TNRC6A: variants seen among roughly 807,000 people sequenced by gnomAD.
TNRC6A encodes the protein trinucleotide repeat-containing gene 6A protein.
In TNRC6A, 44 loss-of-function variants were observed where a neutral mutation model predicts 221.2. The observed-to-expected ratio is 0.20, with a 90% CI of 0.16 to 0.26. TNRC6A has a LOEUF of 0.26. TNRC6A is among the 10% of genes least tolerant of loss of function. TNRC6A has a pLI of 1.00. For missense variants in TNRC6A, 2,199 were observed against 2,404.4 expected (o/e 0.91, Z 1.79); for synonymous variants, 847 against 838.5 (o/e 1.01, Z -0.18).
upstream of TNRC6A, among the ~76,000 whole-genome samples, chr16:24,727,925 A>AT (rs963642486): frequency 1.0e-3 from 152 of 150,558 alleles, no homozygotes; most frequent in African/African-American, 1.7e-3. Flanking sequence ...TGTAAACCTG[A>AT]TTTTTTTTTT....
intron 2 of TNRC6A, among the ~76,000 whole-genome samples, chr16:24,679,462 C>T (rs1010361610): frequency 6.6e-6 from 1 of 151,834 alleles, no homozygotes; most frequent in Admixed American, 6.6e-5. Context: ...TACCACCATA[C>T]CTGACTAATT....
chr16:24,631,391 C>A (rs552736379), intron 1 of TNRC6A, among the ~76,000 whole-genome samples: 44 of 152,266 alleles, frequency 2.9e-4, no homozygotes, highest in African/African-American at 1.0e-3. Context: ...CTCTCGAGTT[C>A]CAGGACACCC....
intron 3 of TNRC6A, among the ~76,000 whole-genome samples, chr16:24,751,530 C>T (rs1030580743): frequency 1.3e-5 from 2 of 152,028 alleles, no homozygotes; most frequent in African/African-American, 4.8e-5. Context: ...ACATACCAAA[C>T]AATTGTATTA....
At position 24,791,557 on chromosome 16, in the gene TNRC6A, G is replaced by C. The variant is rs568020704; in HGVS notation, c.2915G>C (p.Gly972Ala). 2 of 1,551,268 alleles carry C rather than the reference G, an allele frequency of 1.3e-6. No individual in the cohort carries two copies. Among genetic ancestry groups the C allele is most frequent in the East Asian group, 4.5e-5 (2 of 44,418 alleles). The change falls in exon 6 of 25, where the codon GGG (glycine) becomes GCG (alanine). Residue 972 changes from glycine to alanine, a missense_variant. Around this residue, in one of 8 missense-constraint regions of TNRC6A, gnomAD observed 1,405 missense variants for 1,400.2 expected, o/e 1.00. Coordinates refer to ENST00000395799, the MANE Select transcript of TNRC6A (RefSeq NM_014494.4). ...TGKPPGTGWLGGPIPAPAKEE... is the reference protein window; with the variant it reads ...TGKPPGTGWLAGPIPAPAKEE... ...AAACCTCCTGGTACAGGCTGGCTGGGGGGACCTATACCAGCCCCAGCAAAA... is the reference window on the plus strand; with the variant it reads ...AAACCTCCTGGTACAGGCTGGCTGGCGGGACCTATACCAGCCCCAGCAAAA...
intron 4 of TNRC6A, among the ~76,000 whole-genome samples, chr16:24,766,393 A>G (rs1228669144): frequency 6.6e-6 from 1 of 152,208 alleles, no homozygotes; most frequent in Non-Finnish European, 1.5e-5. Context: ...GTGGTTTTGC[A>G]ATATCCTAGC....
At position 24,758,379 on chromosome 16, in the gene TNRC6A, T is replaced by G; in HGVS notation, c.163+19T>G. ...ATCAAAGGTACGTTGTTTAAAGCTA[T>G]TTTTTATCCCTTTTTTCATTAAAGC... On this transcript the variant is annotated intron_variant, in intron 4 of 24. Coordinates refer to ENST00000395799, the MANE Select transcript of TNRC6A (RefSeq NM_014494.4). 1 of 1,609,128 alleles carries G rather than the reference T, an allele frequency of 6.2e-7. No individual in the cohort carries two copies.
intron 2 of TNRC6A, among the ~76,000 whole-genome samples, chr16:24,644,188 G>A (rs1335762713): frequency 3.6e-5 from 5 of 137,060 alleles, no homozygotes; most frequent in East Asian, 2.2e-4. Flanking sequence ...CCGGATTCAC[G>A]CCATTCTCCT....
intron 1 of TNRC6A, 93 bp from the exon 2 acceptor site, chr16:24,730,160 G>GC: frequency 8.7e-7 from 1 of 1,145,076 alleles, no homozygotes; most frequent in Admixed American, 3.0e-5. Flanking sequence ...CGGCCCCGGC[G>GC]CGAGCCTCTG....
chr16:24,824,383 T>C lies in TNRC6A; in HGVS notation c.*576T>C, dbSNP rs905612639. 1 of 152,552 alleles carries C rather than the reference T, an allele frequency of 6.6e-6. No homozygotes were observed. The highest frequency in any genetic ancestry group is 1.5e-5 in the Non-Finnish European group (1 of 68,032). 9.4% of individuals were successfully genotyped at this position (152,552 alleles called of 1,614,324 possible). A position where few individuals can be genotyped will look rare whatever the true frequency, so the allele number is the denominator to read the frequency against. ...TAGGATGCTGACTTAGGATTATTAA[T>C]GAAAGTGTTGCACCAGTTTTTTCAT... On this transcript the variant is annotated 3_prime_UTR_variant, in exon 25 of 25. Coordinates refer to ENST00000395799, the MANE Select transcript of TNRC6A (RefSeq NM_014494.4).
intron 2 of TNRC6A, among the ~76,000 whole-genome samples, chr16:24,733,665 G>GC (rs2056696166): frequency 6.6e-6 from 1 of 152,222 alleles, no homozygotes; most frequent in African/African-American, 2.4e-5. Context: ...GGTATTTGTA[G>GC]CAAACTGGTT....
Position 24,806,268 on chromosome 16 carries a change from G to A in TNRC6A, c.4314G>A (p.Pro1438=), listed in dbSNP as rs759776202. The A allele has an allele frequency of 9.2e-5, 148 of 1,613,974 alleles. No homozygotes were observed. Among genetic ancestry groups the A allele is most frequent in the Admixed American group, 2.5e-4 (15 of 59,998 alleles). The change falls in exon 16 of 25, where the codon CCG becomes CCA. Residue 1438 remains proline (P), a synonymous_variant. Coordinates refer to ENST00000395799, the MANE Select transcript of TNRC6A (RefSeq NM_014494.4). The part of the protein sequence containing the change: ...SQRSVPSGNR[P]QQDQQGRPLS... ...GAAGCGTGCCTTCTGGGAACCGGCC[G>A]CAGCAAGACCAGCAGGTAGAGCCCG...
Position 24,729,835 on chromosome 16 carries a change from T to C in TNRC6A, c.-7T>C, listed in dbSNP as rs2056578391. 20 of 1,383,902 alleles carry C rather than the reference T, an allele frequency of 1.4e-5. No individual in the cohort carries two copies. Among genetic ancestry groups the C allele is most frequent in the Non-Finnish European group, 1.8e-5 (19 of 1,058,982 alleles). The allele number at this position is 1,383,902 out of a possible 1,614,324, so 85.7% of individuals were successfully genotyped here. A position where few individuals can be genotyped will look rare whatever the true frequency, so the allele number is the denominator to read the frequency against. On this transcript the variant is annotated 5_prime_UTR_variant, in exon 1 of 25. Coordinates refer to ENST00000395799, the MANE Select transcript of TNRC6A (RefSeq NM_014494.4). ...CCGCGCCCCACTTGCTCGTGCACTT[T>C]ACACACATGAGGTGAGCGGAACAAG... is the stretch of plus-strand genomic sequence containing the variant.
intron 11 of TNRC6A, among the ~76,000 whole-genome samples, chr16:24,799,488 G>T (rs1248394193): frequency 6.6e-6 from 1 of 152,060 alleles, no homozygotes; most frequent in Admixed American, 6.5e-5. Context: ...CAGCCCCAAG[G>T]GTCATTGTAT....
intron 2 of TNRC6A, among the ~76,000 whole-genome samples, chr16:24,731,192 CTTTCTTTT>C (rs1479341567): frequency 2.6e-5 from 4 of 152,034 alleles, no homozygotes; most frequent in Non-Finnish European, 5.9e-5. Flanking sequence ...CCGTGAATAG[CTTTCTTTT>C]TTTCTTTTTT....
chr16:24,781,963 C>T (rs1396316605), intron 5 of TNRC6A, among the ~76,000 whole-genome samples: 2 of 152,222 alleles, frequency 1.3e-5, no homozygotes, highest in African/African-American at 4.8e-5. Context: ...GCTGGGACTA[C>T]AGGCGCCCGC....
chr16:24,735,741 T>C (rs897408131), intron 2 of TNRC6A, among the ~76,000 whole-genome samples: 2 of 152,250 alleles, frequency 1.3e-5, no homozygotes, highest in African/African-American at 4.8e-5. Flanking sequence ...TTTACAATTT[T>C]AATGACAACT....
intron 2 of TNRC6A, among the ~76,000 whole-genome samples, chr16:24,686,147 C>G (rs1231542334): frequency 6.6e-6 from 1 of 152,170 alleles, no homozygotes; most frequent in African/African-American, 2.4e-5. Context: ...AAGGGCCTCT[C>G]CGGTCTCCAT....
At chr16:24,706,823 T>G (rs2056102966) in intron 2 of TNRC6A, among the ~76,000 whole-genome samples, 1 of 151,298 alleles carries the variant, frequency 6.6e-6, no homozygotes, top group Non-Finnish European at 1.5e-5. Flanking sequence ...ATATTTGAAA[T>G]CAGAGAGAAA....
chr16:24,782,600 G>T (rs1038697487), intron 5 of TNRC6A, among the ~76,000 whole-genome samples: 3 of 152,108 alleles, frequency 2.0e-5, no homozygotes, highest in Admixed American at 1.3e-4. Context: ...ATTTGAGGCC[G>T]GGCGTGGTGG....
Sources: gnomAD v4.1 joint callset for allele counts (sites outside exome capture counted in the v4.1 genomes callset) on GRCh38, gnomAD v4.1.1 for gene constraint, gnomAD v4.1.1 regional missense constraint, MANE v1.5 for transcripts, NCBI Gene and HGNC (gene_info 2026-07-23, HGNC 2026-07-21) for gene names.